The following COL25A1 variants were observed in gnomAD, a reference collection of about 807,000 sequenced individuals.
COL25A1 encodes the protein collagen type XXV alpha 1 chain.
In COL25A1, 103 loss-of-function variants were observed where a neutral mutation model predicts 128.4. The observed-to-expected ratio is 0.80, with a 90% CI of 0.68 to 0.94. The LOEUF is 0.94. Ranked by LOEUF, COL25A1 falls within the 40% of genes least tolerant of loss-of-function variation. The pLI, the probability that COL25A1 is intolerant of heterozygous loss-of-function variation, is 0.00. For synonymous variants in COL25A1, 279 were observed against 277.2 expected (o/e 1.01, Z -0.06); for missense variants, 745 against 840.0 (o/e 0.89, Z 1.40).
At position 109,111,160 on chromosome 4, in the gene COL25A1, T is replaced by C. The variant is rs552362731; in HGVS notation, c.368-60981A>G. ...TAAATTGTGTTTATTTGATGTACTA[T>C]GTGGTGTTTTCGCAATGACTGTTCT... On this transcript the variant is annotated intron_variant, in intron 3 of 37. Coordinates refer to ENST00000399132, the MANE Select transcript of COL25A1 (RefSeq NM_198721.4). Among the ~76,000 whole-genome samples the C allele has an allele frequency of 3.3e-5, 5 of 152,312 alleles. No homozygotes were observed. The East Asian group carries it at 9.7e-4, about 29-fold the overall frequency.
intron 3 of COL25A1, among the ~76,000 whole-genome samples, chr4:109,090,766 A>T (rs574873993): frequency 1.3e-5 from 2 of 152,324 alleles, no homozygotes; most frequent in South Asian, 4.1e-4. Flanking sequence ...TGAGAACTAT[A>T]GTGAGCAGCA....
chr4:109,160,000 T>C (rs890913840), intron 3 of COL25A1, among the ~76,000 whole-genome samples: 3 of 152,218 alleles, frequency 2.0e-5, no homozygotes, highest in African/African-American at 4.8e-5. Flanking sequence ...TTTAAAATCA[T>C]GTACCTTCAA....
At chr4:109,252,279 G>A (rs140536774) in intron 3 of COL25A1, among the ~76,000 whole-genome samples, 24 of 152,298 alleles carry the variant, frequency 1.6e-4, no homozygotes, top group Non-Finnish European at 2.9e-4. Context: ...GGCGAATGGC[G>A]CCATATCAGG....
intron 3 of COL25A1, among the ~76,000 whole-genome samples, chr4:109,090,653 T>C (rs1315805236): frequency 6.6e-6 from 1 of 152,214 alleles, no homozygotes; most frequent in African/African-American, 2.4e-5. Flanking sequence ...AAAAACCTTC[T>C]TTACTACTTA....
Position 108,937,901 on chromosome 4 carries a change from T to C in COL25A1, c.673-58A>G, listed in dbSNP as rs1747629651. 1.4e-5 allele frequency: 20 copies of C among 1,412,260 alleles called. No individual in the cohort carries two copies. The South Asian group carries it at 2.5e-4, about 18-fold the overall frequency. The allele number at this position is 1,412,260 out of a possible 1,614,324, so 87.5% of individuals were successfully genotyped here. ...CTGTAAGTATTTAAAAAAAAACCCT[T>C]CAATCATTTTTTCTTCTTTGACTGG... is the stretch of plus-strand genomic sequence containing the variant. On this transcript the variant is annotated intron_variant, in intron 10 of 37. Coordinates refer to ENST00000399132, the MANE Select transcript of COL25A1 (RefSeq NM_198721.4).
chr4:108,823,832 T>C (rs910638696), intron 35 of COL25A1: 22 of 1,101,430 alleles, frequency 2.0e-5, no homozygotes, highest in Non-Finnish European at 2.6e-5. Context: ...CTCTGCCAAA[T>C]ACTACTGCAG....
At chr4:109,001,606 T>C (rs1755424810) in intron 6 of COL25A1, among the ~76,000 whole-genome samples, 1 of 152,078 alleles carries the variant, frequency 6.6e-6, no homozygotes, top group Non-Finnish European at 1.5e-5. Context: ...AGAACAAGGG[T>C]TTTTGAATCT....
intron 3 of COL25A1, among the ~76,000 whole-genome samples, chr4:109,119,281 TA>T (rs1165702114): frequency 1.3e-5 from 2 of 151,950 alleles, no homozygotes; most frequent in African/African-American, 2.4e-5. Context: ...ATTAATAATC[TA>T]AGCTTCCACA....
chr4:109,251,827 GA>G (rs1780666531), intron 3 of COL25A1, among the ~76,000 whole-genome samples: 2 of 152,162 alleles, frequency 1.3e-5, no homozygotes, highest in Non-Finnish European at 2.9e-5. Context: ...TTCTGGCTAT[GA>G]AAGAAATAGC....
chr4:108,856,238 A>G (rs900225042), intron 24 of COL25A1, among the ~76,000 whole-genome samples: 7 of 152,234 alleles, frequency 4.6e-5, no homozygotes, highest in African/African-American at 1.7e-4. Flanking sequence ...AGAGTCAGTT[A>G]GGAAACAGAG....
At chr4:108,977,547 T>G (rs10032745) in intron 6 of COL25A1, among the ~76,000 whole-genome samples, 110,052 of 152,014 alleles carry the variant, frequency 0.72, 40,893 homozygotes, top group East Asian at 1. Flanking sequence ...CCAAAGAAAA[T>G]AATAATGAGA....
chr4:109,240,006 AG>A (rs1779777365), intron 3 of COL25A1, among the ~76,000 whole-genome samples: 1 of 152,054 alleles, frequency 6.6e-6, no homozygotes, highest in Non-Finnish European at 1.5e-5. Flanking sequence ...TCTCACTGGA[AG>A]GTCTTCAGGG....
At position 109,256,731 on chromosome 4, in the gene COL25A1, G is replaced by A. The variant is rs548654091; in HGVS notation, c.367+43852C>T. On this transcript the variant is annotated intron_variant, in intron 3 of 37. Transcript: ENST00000399132. The stretch of plus-strand genomic sequence containing the variant: ...CTGACTTGCCACTGTCATTATAGGC[G>A]TCTTGGTAACTTCTTTTAAATCTTT... Among the ~76,000 whole-genome samples the A allele has an allele frequency of 1.5e-3, 223 of 152,218 alleles. 1 individual carries two copies. The highest frequency in any genetic ancestry group is 4.4e-3 in the African/African-American group (184 of 41,546).
At chr4:108,927,543 A>C (rs1017826770) in intron 11 of COL25A1, among the ~76,000 whole-genome samples, 1 of 152,134 alleles carries the variant, frequency 6.6e-6, no homozygotes, top group Non-Finnish European at 1.5e-5. Context: ...TGTTTCCGTA[A>C]TATCACCCCA....
At chr4:108,817,772 C>A (rs1335833604) in intron 36 of COL25A1, among the ~76,000 whole-genome samples, 1 of 152,132 alleles carries the variant, frequency 6.6e-6, no homozygotes, top group African/African-American at 2.4e-5. Flanking sequence ...TAAAACACAT[C>A]TCACTGGTAT....
intron 5 of COL25A1, among the ~76,000 whole-genome samples, chr4:109,024,128 T>G (rs1579120450): frequency 6.6e-6 from 1 of 152,128 alleles, no homozygotes; most frequent in Non-Finnish European, 1.5e-5. Context: ...GATTTTGTCC[T>G]ACTGTAGGCT....
intron 33 of COL25A1, among the ~76,000 whole-genome samples, chr4:108,826,304 G>A (rs887814708): frequency 2.0e-5 from 3 of 152,160 alleles, no homozygotes; most frequent in African/African-American, 4.8e-5. Flanking sequence ...TTGAGAGGCC[G>A]AGAAGGGCGG....
At chr4:109,060,578 A>C (rs1230923565) in intron 3 of COL25A1, among the ~76,000 whole-genome samples, 1 of 151,888 alleles carries the variant, frequency 6.6e-6, no homozygotes, top group African/African-American at 2.4e-5. Flanking sequence ...GATGTTACCA[A>C]TTGTAGTGAC....
At chr4:109,286,683 T>A (rs1300139707) in intron 3 of COL25A1, among the ~76,000 whole-genome samples, 2 of 152,158 alleles carry the variant, frequency 1.3e-5, no homozygotes, top group African/African-American at 2.4e-5. Context: ...CAAAGGATGC[T>A]GCTAAGCATC....
Sources: allele counts gnomAD v4.1 joint callset (sites outside exome capture counted in the v4.1 genomes callset), GRCh38; gene constraint gnomAD v4.1.1; transcripts MANE v1.5; gene names NCBI Gene and HGNC (gene_info 2026-07-23, HGNC 2026-07-21).